Variants in DOCK1 observed in about 807,000 individuals in gnomAD.
DOCK1 encodes dedicator of cytokinesis 1, also known as dedicator of cytokinesis protein 1.
DOCK1 carries 138 observed loss-of-function variants against 262.7 expected under a neutral mutation model. That is an observed-to-expected ratio of 0.53 (90% CI 0.46 to 0.61). The LOEUF (loss-of-function observed/expected upper bound fraction) is 0.61. Among genes scored for constraint, DOCK1 ranks in the 20% least tolerant of loss-of-function variants. The pLI is 0.00. For synonymous variants in DOCK1, 866 were observed against 867.4 expected (o/e 1.00, Z 0.03); for missense variants, 1,908 against 2,370.7 (o/e 0.80, Z 4.05).
chr10:126,951,443 G>C (rs1025487880), intron 1 of DOCK1, among the ~76,000 whole-genome samples: 1 of 151,658 alleles, frequency 6.6e-6, no homozygotes, highest in Admixed American at 6.6e-5. Context: ...ATTGTTGGTA[G>C]TGTTGGTAGT....
At chr10:126,907,216 A>G (rs1412642847) in intron 1 of DOCK1, among the ~76,000 whole-genome samples, 1 of 152,060 alleles carries the variant, frequency 6.6e-6, no homozygotes, top group East Asian at 1.9e-4. Flanking sequence ...TGTAGAGGAG[A>G]GAGCTGAGGA....
intron 22 of DOCK1, among the ~76,000 whole-genome samples, chr10:127,058,131 T>C (rs1275403725): frequency 6.6e-6 from 1 of 151,286 alleles, no homozygotes; most frequent in Non-Finnish European, 1.5e-5. Context: ...GGCAAAATGC[T>C]ATGTTCTAAA....
intron 27 of DOCK1, among the ~76,000 whole-genome samples, chr10:127,180,810 C>G (rs1262895856): frequency 6.6e-6 from 1 of 152,040 alleles, no homozygotes; most frequent in South Asian, 2.1e-4. Context: ...TAGAAAAACA[C>G]GAAATAATGT....
chr10:127,062,539 G>A (rs917523131), intron 23 of DOCK1, among the ~76,000 whole-genome samples: 9 of 152,180 alleles, frequency 5.9e-5, no homozygotes, highest in Non-Finnish European at 1.0e-4. Flanking sequence ...TAGATGAAGG[G>A]CTTCCTGTGG....
chr10:127,273,811 C>T (rs890940404), intron 29 of DOCK1, among the ~76,000 whole-genome samples: 2 of 150,844 alleles, frequency 1.3e-5, no homozygotes, highest in African/African-American at 2.4e-5. Context: ...CAACCTGGGT[C>T]GCAGAGGTTG....
chr10:127,152,905 C>T (rs189867104), intron 27 of DOCK1, among the ~76,000 whole-genome samples: 2 of 152,136 alleles, frequency 1.3e-5, no homozygotes, highest in Non-Finnish European at 2.9e-5. Context: ...CTGTCTGGAT[C>T]GGAGGCATGG....
intron 1 of DOCK1, among the ~76,000 whole-genome samples, chr10:126,932,020 TA>T (rs1430185218): frequency 6.6e-6 from 1 of 152,148 alleles, no homozygotes; most frequent in Non-Finnish European, 1.5e-5. Flanking sequence ...AGACAGTTCA[TA>T]GAATATTGAT....
At chr10:127,199,402 G>T (rs1008066800) in intron 27 of DOCK1, among the ~76,000 whole-genome samples, 1 of 152,134 alleles carries the variant, frequency 6.6e-6, no homozygotes, top group African/African-American at 2.4e-5. Flanking sequence ...GTTCAAGAAT[G>T]TTCATAACAG....
Position 127,037,410 on chromosome 10 carries a change from T to C in DOCK1, c.1913-309T>C, listed in dbSNP as rs576618944. On this transcript the variant is annotated intron_variant, in intron 18 of 51. Transcript: ENST00000623213. ...GGTGAGCAGGCCTCTTCAGGCCTTG[T>C]GGTGCTCTGAAACTGCCTTCCTGTA... Among the ~76,000 whole-genome samples, 4 of 152,382 alleles carry C rather than the reference T, an allele frequency of 2.6e-5. No homozygotes were observed. The South Asian group carries it at 8.3e-4, about 32-fold the overall frequency.
chr10:127,111,682 G>A (rs1336566096), intron 25 of DOCK1, among the ~76,000 whole-genome samples: 1 of 152,014 alleles, frequency 6.6e-6, no homozygotes, highest in Non-Finnish European at 1.5e-5. Flanking sequence ...AAAATCCTCC[G>A]AAAATTTTAT....
chr10:127,097,220 T>C (rs2047963516), intron 23 of DOCK1, among the ~76,000 whole-genome samples: 1 of 152,232 alleles, frequency 6.6e-6, no homozygotes, highest in African/African-American at 2.4e-5. Flanking sequence ...AAAGCTTTGG[T>C]TTCAGTGTGT....
At chr10:127,127,577 C>G (rs2050041723) in intron 26 of DOCK1, 92 bp from the exon 27 acceptor site, 2 of 999,814 alleles carry the variant, frequency 2.0e-6, no homozygotes, top group Admixed American at 2.2e-5. Context: ...TTGATTTACT[C>G]TTTACAGGGT....
chr10:127,188,304 C>T (rs981287207), intron 27 of DOCK1, among the ~76,000 whole-genome samples: 1 of 152,218 alleles, frequency 6.6e-6, no homozygotes, highest in Non-Finnish European at 1.5e-5. Context: ...TCACAACATC[C>T]ATTAATTATG....
chr10:127,017,697 A>T (rs61875528), intron 12 of DOCK1, among the ~76,000 whole-genome samples: 6,503 of 152,256 alleles, frequency 0.043, 191 homozygotes, highest in Middle Eastern at 0.068. Flanking sequence ...AGGCCCTACC[A>T]AGCTGAGTGG....
chr10:127,385,130 C>G (rs2066038643), intron 38 of DOCK1, among the ~76,000 whole-genome samples: 1 of 152,030 alleles, frequency 6.6e-6, no homozygotes. Flanking sequence ...AAAAAAGCAC[C>G]AAGTATTTTT....
intron 4 of DOCK1, among the ~76,000 whole-genome samples, chr10:126,982,754 A>G (rs1257062592): frequency 1.3e-5 from 2 of 152,220 alleles, no homozygotes; most frequent in Non-Finnish European, 2.9e-5. Context: ...AAAATAATTT[A>G]GAGGCATGAA....
At chr10:127,439,288 C>A in intron 49 of DOCK1, 63 bp downstream of exon 49, 1 of 1,518,750 alleles carries the variant, frequency 6.6e-7, no homozygotes, top group Non-Finnish European at 8.9e-7. Flanking sequence ...TTTGCCCCAC[C>A]TGTAGCCAAC....
chr10:127,024,549 G>A (rs116170632), intron 14 of DOCK1, 136 bp from the exon 15 acceptor site: 4 of 684,740 alleles, frequency 5.8e-6, no homozygotes. Context: ...TTCCCTTGCT[G>A]GGAACGTGTT....
chr10:126,931,070 C>G (rs967327915), intron 1 of DOCK1, among the ~76,000 whole-genome samples: 3 of 152,068 alleles, frequency 2.0e-5, no homozygotes, highest in Non-Finnish European at 4.4e-5. Context: ...TGGGAATTCT[C>G]TTGGGCTAGT....
Sources: allele counts gnomAD v4.1 joint callset (sites outside exome capture counted in the v4.1 genomes callset), GRCh38; gene constraint gnomAD v4.1.1; transcripts MANE v1.5; gene names NCBI Gene and HGNC (gene_info 2026-07-23, HGNC 2026-07-21).